The following TJP1 variants were observed in gnomAD, a reference collection of about 807,000 sequenced individuals.
The protein encoded by TJP1 is tight junction protein ZO-1.
In TJP1, 43 loss-of-function variants were observed where a neutral mutation model predicts 194.2. The observed-to-expected ratio is 0.22, with a 90% CI of 0.17 to 0.29. TJP1 has a LOEUF of 0.29. Ranked by LOEUF, TJP1 falls within the 10% of genes least tolerant of loss-of-function variation. TJP1 has a pLI of 1.00. For missense variants in TJP1, 1,971 were observed against 2,185.7 expected (o/e 0.90, Z 1.96); for synonymous variants, 801 against 779.0 (o/e 1.03, Z -0.47).
intron 2 of TJP1, among the ~76,000 whole-genome samples, chr15:29,870,853 A>C (rs1272118346): frequency 4.0e-5 from 6 of 151,642 alleles, no homozygotes; most frequent in African/African-American, 1.2e-4. Context: ...GGCCAATGCA[A>C]AGAGAAGAGA....
At position 29,737,340 on chromosome 15, in the gene TJP1, C is replaced by G; in HGVS notation, c.1331G>C (p.Gly444Ala). The G allele has an allele frequency of 6.2e-7, 1 of 1,614,184 alleles. No individual in the cohort carries two copies. Among genetic ancestry groups the G allele is most frequent in the South Asian group, 1.1e-5 (1 of 91,078 alleles). Residue 444 changes from glycine (G) to alanine (A), a missense_variant, in exon 11 of 28, where the codon GGA (glycine) becomes GCA (alanine). By Grantham distance (60) the Gly-to-Ala change is moderately conservative (BLOSUM62 0). Transcript: ENST00000614355. ...TTCTAGAACGCCAGCTACAAATATT[C>G]CAACATCATTTCCACCAGCCAGCCG... ...GLRLAGGNDVGIFVAGVLEDS... is the reference protein window; with the variant it reads ...GLRLAGGNDVAIFVAGVLEDS...
In TJP1 at chr15:29,902,422, A is replaced by G. The variant is rs150298609; in HGVS notation, c.306+53810T>C. Among the ~76,000 whole-genome samples the G allele has an allele frequency of 2.1e-3, 326 of 152,266 alleles. 1 individual carries two copies. The highest frequency in any genetic ancestry group is 7.5e-3 in the African/African-American group (312 of 41,560). On this transcript the variant is annotated intron_variant, in intron 2 of 28. Coordinates refer to the TJP1 transcript ENST00000356107. ...CTCAACTATATGAAAATCAATCAAC[A>G]GTCAGGCTTCATTTTTTAAAAAAAC...
intron 2 of TJP1, among the ~76,000 whole-genome samples, chr15:29,833,633 C>T (rs146999929): frequency 6.6e-6 from 1 of 151,686 alleles, no homozygotes; most frequent in East Asian, 1.9e-4. Context: ...CCTCAAGTGA[C>T]CTGCCTGCTC....
chr15:29,889,764 A>G (rs903618742), intron 2 of TJP1, among the ~76,000 whole-genome samples: 1 of 152,156 alleles, frequency 6.6e-6, no homozygotes, highest in East Asian at 1.9e-4. Context: ...TGAGTAATCC[A>G]TTCCTTCCTC....
intron 23 of TJP1, among the ~76,000 whole-genome samples, chr15:29,715,818 A>G (rs1231205121): frequency 2.6e-5 from 4 of 152,308 alleles, no homozygotes; most frequent in South Asian, 2.1e-4. Context: ...CCTCTGAAAT[A>G]GGACTTGCTT....
chr15:29,718,298 T>G lies in TJP1; in HGVS notation c.3844A>C (p.Lys1282Gln). The G allele has an allele frequency of 6.2e-7, 1 of 1,613,960 alleles. No individual in the cohort carries two copies. Among genetic ancestry groups the G allele is most frequent in the Non-Finnish European group, 8.5e-7 (1 of 1,179,986 alleles). ...CTGCCAGTGTCATTTACATCCTTCT[T>G]GGTCTCTAAGGATGCAGATCTTTTG... ...ENKRSASLET[K>Q]KDVNDTGSFK... The change falls in exon 21 of 28, where the codon AAG becomes CAG. Residue 1282 changes from lysine (K) to glutamine (Q), a missense_variant. Physicochemically the swap from Lys to Gln is moderately conservative, Grantham distance 53. This residue lies in a region of TJP1 where 1,108 missense variants were observed against 1,128.5 expected (regional missense o/e 0.98). Transcript: ENST00000614355.
intron 2 of TJP1, among the ~76,000 whole-genome samples, chr15:29,837,049 T>G (rs2051058141): frequency 6.6e-6 from 1 of 152,176 alleles, no homozygotes; most frequent in Admixed American, 6.5e-5. Flanking sequence ...AAGACAAACA[T>G]AAAAGAAGTA....
At chr15:29,963,700 C>T (rs1161789056) in intron 1 of TJP1, among the ~76,000 whole-genome samples, 1 of 152,182 alleles carries the variant, frequency 6.6e-6, no homozygotes. Context: ...TGTTGCCAGG[C>T]TGGGGTGCAG....
chr15:29,844,881 T>C (rs1352899017), intron 2 of TJP1, among the ~76,000 whole-genome samples: 1 of 152,148 alleles, frequency 6.6e-6, no homozygotes, highest in Non-Finnish European at 1.5e-5. Context: ...AGGGTGCAGA[T>C]ACCAAGAAGA....
At chr15:29,764,524 C>G (rs2046209960) in intron 5 of TJP1, among the ~76,000 whole-genome samples, 1 of 151,986 alleles carries the variant, frequency 6.6e-6, no homozygotes, top group Non-Finnish European at 1.5e-5. Context: ...CCTATGAGAC[C>G]AAATGAGTCT....
At chr15:29,706,814 C>T (rs2041927794) in intron 25 of TJP1, among the ~76,000 whole-genome samples, 1 of 152,112 alleles carries the variant, frequency 6.6e-6, no homozygotes, top group Admixed American at 6.5e-5. Flanking sequence ...CGTCTGCCAC[C>T]ATGCCCGGCT....
intron 2 of TJP1, among the ~76,000 whole-genome samples, chr15:29,861,639 C>CT (rs1247030288): frequency 1.3e-5 from 2 of 151,874 alleles, no homozygotes; most frequent in African/African-American, 2.4e-5. Flanking sequence ...ATTGGCTTGT[C>CT]TTTTTTTTGT....
intron 2 of TJP1, among the ~76,000 whole-genome samples, chr15:29,782,411 C>G (rs1288222852): frequency 6.6e-6 from 1 of 152,156 alleles, no homozygotes; most frequent in Non-Finnish European, 1.5e-5. Context: ...ACCATCTGAT[C>G]TTCGACAAAG....
At chr15:29,878,678 A>G (rs1015486715) in intron 2 of TJP1, among the ~76,000 whole-genome samples, 8 of 152,156 alleles carry the variant, frequency 5.3e-5, no homozygotes, top group African/African-American at 1.9e-4. Context: ...TCTGTATAAC[A>G]TCCAACCATG....
intron 1 of TJP1, among the ~76,000 whole-genome samples, chr15:29,819,477 T>C (rs2050175343): frequency 6.6e-6 from 1 of 152,204 alleles, no homozygotes. Flanking sequence ...CATGCAATAA[T>C]ACTGATGATC....
intron 23 of TJP1, among the ~76,000 whole-genome samples, chr15:29,712,564 CTAA>C (rs2151059031): frequency 6.6e-6 from 1 of 152,230 alleles, no homozygotes; most frequent in South Asian, 2.1e-4. Context: ...GAACATATCA[CTAA>C]CTCTCATTTG....
chr15:29,737,508 A>C, intron 10 of TJP1, 94 bp from the exon 11 acceptor site: 1 of 1,391,958 alleles, frequency 7.2e-7, no homozygotes, highest in Non-Finnish European at 9.7e-7. Context: ...AATTAAATAA[A>C]GAACCATCAT....
At chr15:29,710,138 C>T (rs573210749) in intron 24 of TJP1, among the ~76,000 whole-genome samples, 3 of 150,606 alleles carry the variant, frequency 2.0e-5, no homozygotes, top group South Asian at 4.2e-4. Context: ...AGCAAGGCTT[C>T]GTCTCAAAAA....
intron 2 of TJP1, among the ~76,000 whole-genome samples, chr15:29,799,395 T>G (rs2048627599): frequency 6.6e-6 from 1 of 151,920 alleles, no homozygotes; most frequent in South Asian, 2.1e-4. Context: ...AAAAGTTGAC[T>G]ATATCTTATC....
Sources: allele counts gnomAD v4.1 joint callset (sites outside exome capture counted in the v4.1 genomes callset), GRCh38; gene constraint gnomAD v4.1.1; regional missense constraint gnomAD v4.1.1; transcripts MANE v1.5; gene names NCBI Gene and HGNC (gene_info 2026-07-23, HGNC 2026-07-21).